SLC10A7: variants seen among roughly 807,000 people sequenced by gnomAD.
The protein encoded by SLC10A7 is solute carrier family 10 member 7.
SLC10A7 carries 29 observed loss-of-function variants against 43.2 expected under a neutral mutation model. That is an observed-to-expected ratio of 0.67 (90% CI 0.50 to 0.92). The LOEUF (loss-of-function observed/expected upper bound fraction) is 0.92, where lower values mean the gene tolerates loss of function less well. Among genes scored for constraint, SLC10A7 ranks in the 40% least tolerant of loss-of-function variants. The pLI is 0.00. For synonymous variants in SLC10A7, 152 were observed against 144.8 expected (o/e 1.05, Z -0.35); for missense variants, 295 against 403.2 (o/e 0.73, Z 2.30).
Position 146,274,539 on chromosome 4 carries a change from C to T in SLC10A7, c.847+8653G>A, listed in dbSNP as rs552414671. ...CTTATATTAATAAAATACTGGCATA[C>T]TTTTACATCCAAATACTGTTGTTTA... On this transcript the variant is annotated intron_variant, in intron 10 of 11. Transcript: ENST00000335472. Among the ~76,000 whole-genome samples the T allele has an allele frequency of 2.6e-5, 4 of 152,182 alleles. No individual in the cohort carries two copies. In the East Asian group the frequency reaches 7.7e-4, roughly 29 times the overall value.
intron 4 of SLC10A7, among the ~76,000 whole-genome samples, chr4:146,501,787 C>G (rs943609343): frequency 8.5e-5 from 13 of 152,324 alleles, no homozygotes; most frequent in African/African-American, 2.9e-4. Flanking sequence ...CAACCTCATC[C>G]TTGCAGTTGC....
intron 11 of SLC10A7, among the ~76,000 whole-genome samples, chr4:146,257,267 C>T (rs1372902489): frequency 2.0e-5 from 3 of 152,166 alleles, no homozygotes; most frequent in Admixed American, 6.5e-5. Context: ...ACAACCAACT[C>T]CGAGTAGGAG....
intron 4 of SLC10A7, among the ~76,000 whole-genome samples, chr4:146,447,060 C>G (rs1731157259): frequency 6.6e-6 from 1 of 152,096 alleles, no homozygotes; most frequent in South Asian, 2.1e-4. Context: ...TCCCATCCAC[C>G]CCATTCAATA....
chr4:146,504,966 T>C (rs969368653), intron 3 of SLC10A7, among the ~76,000 whole-genome samples: 1 of 152,178 alleles, frequency 6.6e-6, no homozygotes, highest in African/African-American at 2.4e-5. Context: ...GAGTAATAAA[T>C]TTAAGTACTA....
intron 5 of SLC10A7, among the ~76,000 whole-genome samples, chr4:146,359,416 T>C (rs927078549): frequency 2.6e-5 from 4 of 152,190 alleles, no homozygotes; most frequent in African/African-American, 7.2e-5. Flanking sequence ...TCTTTTCATA[T>C]ATAGTTACGT....
At chr4:146,367,392 GGC>G (rs1161434834) in intron 5 of SLC10A7, among the ~76,000 whole-genome samples, 3 of 151,942 alleles carry the variant, frequency 2.0e-5, no homozygotes, top group Non-Finnish European at 4.4e-5. Flanking sequence ...CTTGAAAGGT[GGC>G]TAGTGCAACT....
In SLC10A7 at chr4:146,459,617, A is replaced by C. The variant is rs150387721; in HGVS notation, c.397-16796T>G. Among the ~76,000 whole-genome samples the C allele has an allele frequency of 7.7e-3, 1,142 of 149,130 alleles. 3 individuals carry two copies. Among genetic ancestry groups the C allele is most frequent in the Non-Finnish European group, 1.0e-2 (666 of 66,860 alleles). On this transcript the variant is annotated intron_variant, in intron 4 of 11. Transcript: ENST00000335472. ...GGTGGTAACTGGACATCCACACACA[A>C]AAAAAAAAAACGAAAAACTCTGATG...
intron 9 of SLC10A7, among the ~76,000 whole-genome samples, chr4:146,287,151 CGTGTCTGGAGTGGTGAGAAGGACT>C (rs1360131326): frequency 2.6e-5 from 3 of 117,620 alleles, no homozygotes; most frequent in Non-Finnish European, 3.6e-5. Flanking sequence ...TGAGAAGGAC[CGTGTCTGGAGTGGTGAGAAGGACT>C]GTGTCTGGAG....
At chr4:146,369,495 T>C (rs1226866963) in intron 5 of SLC10A7, among the ~76,000 whole-genome samples, 1 of 152,180 alleles carries the variant, frequency 6.6e-6, no homozygotes. Context: ...ATAAAACAGA[T>C]GGATTATCTC....
intron 5 of SLC10A7, chr4:146,441,545 T>C: frequency 1.8e-6 from 1 of 542,124 alleles, no homozygotes; most frequent in Non-Finnish European, 2.4e-6. Context: ...TTCCAGAAAG[T>C]TCATGTTTTA....
intron 5 of SLC10A7, among the ~76,000 whole-genome samples, chr4:146,401,736 C>T (rs984335151): frequency 2.6e-5 from 4 of 152,146 alleles, no homozygotes; most frequent in Non-Finnish European, 4.4e-5. Flanking sequence ...TTATAAAACA[C>T]TGTGGATTCC....
chr4:146,306,115 T>G, intron 6 of SLC10A7, 106 bp from the exon 7 acceptor site: 1 of 812,800 alleles, frequency 1.2e-6, no homozygotes, highest in Non-Finnish European at 1.8e-6. Context: ...ACCAAAAATT[T>G]GGTAGCTATC....
At chr4:146,520,751 C>A (rs928440288) in intron 1 of SLC10A7, among the ~76,000 whole-genome samples, 5 of 152,160 alleles carry the variant, frequency 3.3e-5, no homozygotes, top group Non-Finnish European at 7.4e-5. Flanking sequence ...AGCTTGGAAA[C>A]TGACAAACAA....
intron 5 of SLC10A7, among the ~76,000 whole-genome samples, chr4:146,372,473 A>G (rs1254908725): frequency 2.9e-5 from 4 of 138,208 alleles, no homozygotes; most frequent in East Asian, 2.1e-4. Flanking sequence ...AAAAAAAAAA[A>G]TGCTTCCCAA....
At chr4:146,471,836 C>G (rs1009406634) in intron 4 of SLC10A7, among the ~76,000 whole-genome samples, 9 of 152,052 alleles carry the variant, frequency 5.9e-5, no homozygotes, top group African/African-American at 2.2e-4. Flanking sequence ...TCTAGAGACA[C>G]CAAAGGCCAC....
At chr4:146,320,802 G>A (rs1344921735) in intron 6 of SLC10A7, among the ~76,000 whole-genome samples, 2 of 150,878 alleles carry the variant, frequency 1.3e-5, no homozygotes, top group Non-Finnish European at 2.9e-5. Context: ...AGGAGTAGCA[G>A]GTGGTATAGC....
At chr4:146,294,291 T>C (rs1014814049) in intron 7 of SLC10A7, among the ~76,000 whole-genome samples, 196 bp from the exon 8 acceptor site, 2 of 152,220 alleles carry the variant, frequency 1.3e-5, no homozygotes, top group Non-Finnish European at 2.9e-5. Flanking sequence ...CAACTTCCAC[T>C]GGGTGTCCAT....
intron 5 of SLC10A7, among the ~76,000 whole-genome samples, chr4:146,395,214 G>T (rs576665480): frequency 9.4e-5 from 14 of 149,432 alleles, no homozygotes; most frequent in African/African-American, 3.4e-4. Context: ...TACAAAAAAA[G>T]AAAAAAAAAA....
intron 4 of SLC10A7, among the ~76,000 whole-genome samples, chr4:146,492,770 A>G (rs1735571966): frequency 6.6e-6 from 1 of 152,264 alleles, no homozygotes; most frequent in Non-Finnish European, 1.5e-5. Context: ...TGCAATAAAA[A>G]TAGATCATAT....
Sources: gnomAD v4.1 joint callset for allele counts (sites outside exome capture counted in the v4.1 genomes callset) on GRCh38, gnomAD v4.1.1 for gene constraint, MANE v1.5 for transcripts, NCBI Gene and HGNC (gene_info 2026-07-23, HGNC 2026-07-21) for gene names.